Variants in MAML3 observed in about 807,000 individuals in gnomAD.
MAML3 encodes the protein mastermind like transcriptional coactivator 3, also known as mastermind-like protein 3.
Under a neutral mutation model 101.9 loss-of-function variants are expected in MAML3, and 27 were observed. That is an observed-to-expected ratio of 0.27 (90% CI 0.20 to 0.37). The LOEUF is 0.37. MAML3 is among the 10% of genes least tolerant of loss of function. The probability of loss-of-function intolerance (pLI) is 1.00; values close to 1 mark genes in which losing one functional copy is unlikely to be tolerated. For synonymous variants in MAML3, 501 were observed against 555.9 expected (o/e 0.90, Z 1.39); for missense variants, 1,316 against 1,444.9 (o/e 0.91, Z 1.45).
chr4:139,886,465 C>T (rs1389281083), intron 2 of MAML3, among the ~76,000 whole-genome samples: 1 of 151,986 alleles, frequency 6.6e-6, no homozygotes, highest in Non-Finnish European at 1.5e-5. Flanking sequence ...AATATCATTC[C>T]TAACATTTTA....
At chr4:139,916,972 T>C (rs1168517701) in intron 1 of MAML3, among the ~76,000 whole-genome samples, 4 of 152,122 alleles carry the variant, frequency 2.6e-5, no homozygotes, top group African/African-American at 9.7e-5. Context: ...AGAACAAGGG[T>C]TCTGTGACAT....
chr4:140,072,822 C>A (rs571695470), intron 1 of MAML3, among the ~76,000 whole-genome samples: 62 of 152,158 alleles, frequency 4.1e-4, no homozygotes, highest in Admixed American at 3.3e-3. Context: ...GACAGCTGTA[C>A]CTCACCAGTA....
chr4:140,109,930 T>C (rs1728412045), intron 1 of MAML3, among the ~76,000 whole-genome samples: 1 of 152,198 alleles, frequency 6.6e-6, no homozygotes, highest in Non-Finnish European at 1.5e-5. Context: ...CTTCCACTCA[T>C]TGTCAAAATT....
chr4:140,101,719 A>C (rs778190610), intron 1 of MAML3, among the ~76,000 whole-genome samples: 9 of 152,178 alleles, frequency 5.9e-5, no homozygotes, highest in Non-Finnish European at 1.3e-4. Context: ...GACTGAAAAC[A>C]CCTTCAGTTC....
At chr4:139,821,482 C>A (rs59133255) in intron 2 of MAML3, among the ~76,000 whole-genome samples, 1 of 152,274 alleles carries the variant, frequency 6.6e-6, no homozygotes, top group South Asian at 2.1e-4. Flanking sequence ...ACCATCCCCC[C>A]GGCCGACCCC....
intron 1 of MAML3, among the ~76,000 whole-genome samples, chr4:140,076,007 C>A (rs1401261639): frequency 6.6e-6 from 1 of 152,014 alleles, no homozygotes. Context: ...AGGGATCCAC[C>A]TGCCTTGGCC....
At chr4:139,826,219 C>T (rs1026487334) in intron 2 of MAML3, among the ~76,000 whole-genome samples, 2 of 152,218 alleles carry the variant, frequency 1.3e-5, no homozygotes, top group African/African-American at 4.8e-5. Flanking sequence ...CCCACCTCAG[C>T]ATCCCAGGTC....
intron 1 of MAML3, among the ~76,000 whole-genome samples, chr4:139,917,134 A>G (rs1262774846): frequency 1.3e-5 from 2 of 152,162 alleles, no homozygotes; most frequent in Non-Finnish European, 2.9e-5. Flanking sequence ...AGTGCGGCCC[A>G]TGACTCTCCA....
intron 1 of MAML3, among the ~76,000 whole-genome samples, chr4:140,009,153 A>T (rs942243773): frequency 6.6e-6 from 1 of 152,314 alleles, no homozygotes; most frequent in Admixed American, 6.5e-5. Context: ...CCTAATGCTG[A>T]GACAAAACAT....
At chr4:139,946,919 ACACACACTCTCT>A (rs1425401439) in intron 1 of MAML3, among the ~76,000 whole-genome samples, 1,129 of 76,292 alleles carry the variant, frequency 0.015, 13 homozygotes, top group East Asian at 0.076. Context: ...ACACACACAC[ACACACACTCTCT>A]CTCTCTCTCT....
At chr4:140,004,468 T>A (rs1026129009) in intron 1 of MAML3, among the ~76,000 whole-genome samples, 15 of 152,276 alleles carry the variant, frequency 9.9e-5, no homozygotes, top group African/African-American at 3.6e-4. Context: ...CCTCTCCTTC[T>A]GAGCGTCTAC....
chr4:139,755,605 A>G (rs1197611138), intron 2 of MAML3, among the ~76,000 whole-genome samples: 1 of 152,162 alleles, frequency 6.6e-6, no homozygotes, highest in East Asian at 1.9e-4. Context: ...AAGATTCAGG[A>G]TTTCCAATTA....
At chr4:139,734,400 T>TG (rs1254196340) in intron 2 of MAML3, among the ~76,000 whole-genome samples, 1 of 152,202 alleles carries the variant, frequency 6.6e-6, no homozygotes, top group Non-Finnish European at 1.5e-5. Flanking sequence ...ATCCACTCCT[T>TG]GCCCAACGAC....
intron 2 of MAML3, among the ~76,000 whole-genome samples, chr4:139,861,476 G>GGTGT (rs1560816892): frequency 9.3e-5 from 4 of 43,212 alleles, no homozygotes; most frequent in South Asian, 1.0e-3. Context: ...CTAACCAGCC[G>GGTGT]ATGTGTGTGT....
intron 1 of MAML3, among the ~76,000 whole-genome samples, chr4:140,146,582 C>G (rs1044824377): frequency 3.3e-5 from 5 of 152,088 alleles, no homozygotes; most frequent in Non-Finnish European, 5.9e-5. Flanking sequence ...ATTTCCAAGT[C>G]ACAAAACTAA....
chr4:140,068,394 G>T (rs1214029357), intron 1 of MAML3, among the ~76,000 whole-genome samples: 1 of 152,172 alleles, frequency 6.6e-6, no homozygotes, highest in Non-Finnish European at 1.5e-5. Context: ...TCACTAACTT[G>T]AAGGCACTCA....
At chr4:139,817,563 T>TTACA (rs1278382820) in intron 2 of MAML3, among the ~76,000 whole-genome samples, 1 of 152,128 alleles carries the variant, frequency 6.6e-6, no homozygotes, top group East Asian at 1.9e-4. Context: ...CTCCCTCTGT[T>TTACA]TACATGTCCT....
chr4:139,756,240 A>G (rs1729648861), intron 2 of MAML3, among the ~76,000 whole-genome samples: 1 of 152,220 alleles, frequency 6.6e-6, no homozygotes, highest in South Asian at 2.1e-4. Flanking sequence ...CCTCCACCCA[A>G]TGAAAATGTT....
intron 1 of MAML3, among the ~76,000 whole-genome samples, chr4:140,078,278 C>T (rs1727808592): frequency 7.2e-6 from 1 of 139,754 alleles, no homozygotes; most frequent in African/African-American, 2.6e-5. Context: ...CTCTCCCATA[C>T]TAATAATTTC....
Sources: gnomAD v4.1 joint callset for allele counts (sites outside exome capture counted in the v4.1 genomes callset) on GRCh38, gnomAD v4.1.1 for gene constraint, MANE v1.5 for transcripts, NCBI Gene and HGNC (gene_info 2026-07-23, HGNC 2026-07-21) for gene names.